Variants in ESYT2 observed in about 807,000 individuals in gnomAD.
ESYT2 encodes the protein extended synaptotagmin 2.
A neutral mutation model predicts 107.2 loss-of-function variants in ESYT2; 54 were observed. That is an observed-to-expected ratio of 0.50 (90% CI 0.40 to 0.63). The LOEUF (loss-of-function observed/expected upper bound fraction) is 0.63, where lower values mean the gene tolerates loss of function less well. ESYT2 is among the 30% of genes least tolerant of loss of function. ESYT2 has a pLI of 0.00. For synonymous variants in ESYT2, 491 were observed against 434.1 expected, an observed-to-expected ratio of 1.13 and a Z score of -1.63; for missense variants, 1,020 against 1,094.5, an observed-to-expected ratio of 0.93 and a Z score of 0.96.
At chr7:158,789,929 A>G (rs1839228566) in intron 4 of ESYT2, among the ~76,000 whole-genome samples, 6 of 152,244 alleles carry the variant, frequency 3.9e-5, no homozygotes, top group Admixed American at 3.9e-4. Context: ...TCAAAATGGC[A>G]TCCACTGACT....
rs564464523 is a variant in ESYT2, at chr7:158,826,776, G to A, written c.330+2313C>T. Reference sequence around the variant, plus strand: ...GCGGAGGTTGCAGTGAGTTGAGATGGTGCCACTGCACTTCAGCCTGGCAAC... The same window carrying A: ...GCGGAGGTTGCAGTGAGTTGAGATGATGCCACTGCACTTCAGCCTGGCAAC... On this transcript the variant is annotated intron_variant, in intron 1 of 22. Coordinates refer to ENST00000275418, the MANE Select transcript of ESYT2 (RefSeq NM_001367773.1). Among the ~76,000 whole-genome samples the A allele has an allele frequency of 3.8e-4, 49 of 129,660 alleles. No individual in the cohort carries two copies. In the East Asian group the frequency reaches 0.011, roughly 29 times the overall value. The allele number at this position is 129,660 out of a possible 152,430, so 85.1% of individuals were successfully genotyped here. A position where few individuals can be genotyped will look rare whatever the true frequency, so the allele number is the denominator to read the frequency against.
chr7:158,811,958 G>T, intron 1 of ESYT2, among the ~76,000 whole-genome samples: 1 of 152,232 alleles, frequency 6.6e-6, no homozygotes, highest in East Asian at 1.9e-4. Flanking sequence ...AGAGCTTCTG[G>T]CAAGATGCTG....
At chr7:158,790,419 G>A (rs117954034) in intron 4 of ESYT2, among the ~76,000 whole-genome samples, 221 of 151,984 alleles carry the variant, frequency 1.5e-3, no homozygotes, top group Middle Eastern at 3.4e-3. Context: ...CGTGGAGCAG[G>A]AAGCCCTGAG....
intron 1 of ESYT2, among the ~76,000 whole-genome samples, chr7:158,807,254 G>A (rs1473558961): frequency 1.2e-3 from 138 of 117,198 alleles, no homozygotes; most frequent in East Asian, 1.5e-3. Flanking sequence ...CCGTCTGAAG[G>A]AAAAAAAAAA....
intron 4 of ESYT2, among the ~76,000 whole-genome samples, chr7:158,788,816 A>G (rs896007277): frequency 8.5e-5 from 13 of 152,258 alleles, no homozygotes; most frequent in Non-Finnish European, 1.8e-4. Context: ...AACATTAAAA[A>G]GTTTAATTTT....
chr7:158,780,318 G>C (rs1838728770), intron 6 of ESYT2, among the ~76,000 whole-genome samples: 1 of 152,168 alleles, frequency 6.6e-6, no homozygotes, highest in South Asian at 2.1e-4. Context: ...AAATCCCTTT[G>C]AGCAATTAAG....
intron 1 of ESYT2, among the ~76,000 whole-genome samples, chr7:158,820,962 T>C (rs1403977759): frequency 3.3e-5 from 5 of 152,210 alleles, no homozygotes; most frequent in African/African-American, 1.2e-4. Context: ...ACATAGCAAA[T>C]GCCTAATAAA....
intron 6 of ESYT2, among the ~76,000 whole-genome samples, chr7:158,781,629 GAACAA>G (rs1838819481): frequency 6.6e-6 from 1 of 151,204 alleles, no homozygotes; most frequent in Non-Finnish European, 1.5e-5. Context: ...ACGAGTGTGA[GAACAA>G]AGTGAGGTGT....
intron 6 of ESYT2, among the ~76,000 whole-genome samples, chr7:158,774,344 A>C (rs1166208343): frequency 2.0e-5 from 3 of 152,228 alleles, no homozygotes; most frequent in Non-Finnish European, 1.5e-5. Context: ...AAGATTTCTC[A>C]ATGTAACAGA....
rs951856091 is a variant in ESYT2, at chr7:158,798,189, C to T, written c.373-113G>A. On this transcript the variant is annotated intron_variant, in intron 2 of 22. Coordinates refer to ENST00000275418, the MANE Select transcript of ESYT2 (RefSeq NM_001367773.1). ...CAAACCTGGTTTTGAAAATAAAGGG[C>T]GGGAGGATCTTGTTGTTATGCAAAA... 1.2e-5 allele frequency: 14 copies of T among 1,120,954 alleles called. No homozygotes were observed. In the African/African-American group the frequency reaches 1.4e-4, roughly 11 times the overall value. The allele number at this position is 1,120,954 out of a possible 1,614,324, so 69.4% of individuals were successfully genotyped here.
At chr7:158,787,205 T>G (rs898727187) in intron 6 of ESYT2, among the ~76,000 whole-genome samples, 1 of 152,162 alleles carries the variant, frequency 6.6e-6, no homozygotes, top group East Asian at 1.9e-4. Context: ...AAATAACAAA[T>G]AGTATTAACT....
Position 158,828,692 on chromosome 7 carries a change from G to A in ESYT2, c.330+397C>T, listed in dbSNP as rs556930482. Among the ~76,000 whole-genome samples the A allele has an allele frequency of 6.7e-4, 102 of 152,346 alleles. 1 individual carries two copies. The highest frequency in any genetic ancestry group is 2.4e-3 in the African/African-American group (98 of 41,582). Reference sequence around the variant, plus strand: ...GGCACGGAGCACTCAGGACTAGGGCGGGAGCGGCGAGCAGCGGGCGGCGGC... The same window carrying A: ...GGCACGGAGCACTCAGGACTAGGGCAGGAGCGGCGAGCAGCGGGCGGCGGC... On this transcript the variant is annotated intron_variant, in intron 1 of 22. Coordinates refer to ENST00000275418, the MANE Select transcript of ESYT2 (RefSeq NM_001367773.1).
chr7:158,742,019 T>C (rs1249416722), intron 17 of ESYT2, 123 bp from the exon 18 acceptor site: 1 of 1,212,642 alleles, frequency 8.2e-7, no homozygotes, highest in Non-Finnish European at 1.1e-6. Flanking sequence ...AAAAAAATTT[T>C]TTTTTAAAGG....
rs146290854 is a variant in ESYT2, at chr7:158,735,559, C to A, written c.2449G>T (p.Val817Phe). The A allele has an allele frequency of 6.2e-7, 1 of 1,614,116 alleles. No individual in the cohort carries two copies. Among genetic ancestry groups the A allele is most frequent in the South Asian group, 1.1e-5 (1 of 91,074 alleles). Residue 817 changes from valine to phenylalanine, a missense_variant, in exon 21 of 23, where the codon GTT becomes TTT. Val to Phe is a conservative substitution (Grantham distance 50, BLOSUM62 -1). Transcript: ENST00000275418. ...AAGCCGCCACTGTTCTTCACGGCAA[C>A]GTCGAGCGTTCTCCTCTGCACTTCT... ...LPEVQRRTLD[V>F]AVKNSGGFLS...
At chr7:158,799,164 C>T in intron 1 of ESYT2, 92 bp from the exon 2 acceptor site, 1 of 1,074,930 alleles carries the variant, frequency 9.3e-7, no homozygotes, top group Non-Finnish European at 1.4e-6. Flanking sequence ...ATCATACGTC[C>T]TATGTTTACA....
chr7:158,760,240 C>T, intron 11 of ESYT2, 93 bp from the exon 12 acceptor site: 1 of 1,132,296 alleles, frequency 8.8e-7, no homozygotes, highest in Non-Finnish European at 1.3e-6. Flanking sequence ...ATGCTGCTCA[C>T]TAACCACGAG....
chr7:158,796,451 T>C (rs1198771916), intron 3 of ESYT2, among the ~76,000 whole-genome samples: 1 of 152,214 alleles, frequency 6.6e-6, no homozygotes, highest in Non-Finnish European at 1.5e-5. Flanking sequence ...ATTAGTAGTT[T>C]TGTTTTTTAA....
intron 6 of ESYT2, among the ~76,000 whole-genome samples, chr7:158,784,199 A>C: frequency 6.6e-6 from 1 of 152,232 alleles, no homozygotes; most frequent in Non-Finnish European, 1.5e-5. Flanking sequence ...CACAGATCCC[A>C]GAAAGTCGGG....
intron 13 of ESYT2, among the ~76,000 whole-genome samples, chr7:158,755,360 T>A (rs1240221791): frequency 6.6e-6 from 1 of 152,204 alleles, no homozygotes. Flanking sequence ...GTGATGCATA[T>A]GTTCTAATAA....
Sources: gnomAD v4.1 joint callset for allele counts (sites outside exome capture counted in the v4.1 genomes callset) on GRCh38, gnomAD v4.1.1 for gene constraint, MANE v1.5 for transcripts, NCBI Gene and HGNC (gene_info 2026-07-23, HGNC 2026-07-21) for gene names.